FARS2: variants seen among roughly 807,000 people sequenced by gnomAD.
FARS2 encodes phenylalanyl-tRNA synthetase 2, mitochondrial.
In FARS2, 40 loss-of-function variants were observed where a neutral mutation model predicts 46.4. That is an observed-to-expected ratio of 0.86 (90% CI 0.67 to 1.12). The LOEUF (loss-of-function observed/expected upper bound fraction) is 1.12, where lower values mean the gene tolerates loss of function less well. FARS2 is among the 50% of genes most tolerant of loss of function. FARS2 has a pLI of 0.00. For synonymous variants in FARS2, 234 were observed against 214.9 expected (o/e 1.09, Z -0.78); for missense variants, 513 against 567.9 (o/e 0.90, Z 0.98).
chr6:5,370,883 G>A (rs1179762127), intron 2 of FARS2, among the ~76,000 whole-genome samples: 7 of 152,300 alleles, frequency 4.6e-5, no homozygotes, highest in Non-Finnish European at 2.9e-5. Flanking sequence ...TCATGTGTAT[G>A]TATGTATCTA....
At chr6:5,341,010 T>C (rs971182227) in intron 1 of FARS2, among the ~76,000 whole-genome samples, 6 of 150,804 alleles carry the variant, frequency 4.0e-5, no homozygotes, top group African/African-American at 1.5e-4. Flanking sequence ...TAGCCAGGCA[T>C]GGTGACGTGC....
chr6:5,417,278 G>C (rs1433961496), intron 3 of FARS2, among the ~76,000 whole-genome samples: 1 of 152,042 alleles, frequency 6.6e-6, no homozygotes, highest in Non-Finnish European at 1.5e-5. Context: ...GTGCAATGGC[G>C]TGATCATGGC....
intron 4 of FARS2, among the ~76,000 whole-genome samples, chr6:5,510,085 G>A (rs541827511): frequency 6.6e-6 from 1 of 152,268 alleles, no homozygotes; most frequent in Non-Finnish European, 1.5e-5. Flanking sequence ...GATTTTTATA[G>A]GACAACCAAA....
intron 6 of FARS2, among the ~76,000 whole-genome samples, chr6:5,637,390 C>T (rs541480029): frequency 3.3e-5 from 5 of 152,362 alleles, no homozygotes; most frequent in East Asian, 3.9e-4. Context: ...GGCATCACTA[C>T]GCCTTCACCA....
At chr6:5,333,407 C>T (rs1770935701) in intron 1 of FARS2, among the ~76,000 whole-genome samples, 1 of 152,192 alleles carries the variant, frequency 6.6e-6, no homozygotes, top group African/African-American at 2.4e-5. Flanking sequence ...TCTTTCAAAA[C>T]TCCTTTATTT....
intron 5 of FARS2, among the ~76,000 whole-genome samples, chr6:5,606,672 T>C (rs367593946): frequency 7.9e-5 from 12 of 152,222 alleles, no homozygotes; most frequent in African/African-American, 2.6e-4. Flanking sequence ...CCAAGGACTT[T>C]GTTACTCAGC....
intron 4 of FARS2, among the ~76,000 whole-genome samples, chr6:5,503,352 G>C (rs535504426): frequency 1.3e-5 from 2 of 149,218 alleles, no homozygotes; most frequent in South Asian, 2.1e-4. Context: ...AAATTGCTAA[G>C]AGTAGATTTT....
intron 4 of FARS2, among the ~76,000 whole-genome samples, chr6:5,439,662 G>T (rs1169070310): frequency 6.6e-6 from 1 of 152,212 alleles, no homozygotes; most frequent in African/African-American, 2.4e-5. Context: ...CCAGGTGAAA[G>T]GATAATTGCG....
chr6:5,559,935 C>T (rs931478922), intron 5 of FARS2, among the ~76,000 whole-genome samples: 4 of 151,814 alleles, frequency 2.6e-5, no homozygotes, highest in Non-Finnish European at 4.4e-5. Flanking sequence ...TGGGTGTCCA[C>T]ATGGAAAAAA....
At chr6:5,613,142 G>C in intron 5 of FARS2, 27 bp from the exon 6 acceptor site, 1 of 1,596,194 alleles carries the variant, frequency 6.3e-7, no homozygotes, top group Admixed American at 1.7e-5. Context: ...ACAAGTTCAT[G>C]TATCTTTTCT....
Position 5,487,182 on chromosome 6 carries a change from G to T in FARS2, c.904+56010G>T, listed in dbSNP as rs573193354. 2.6e-5 allele frequency among the ~76,000 whole-genome samples: 4 copies of T among 152,318 alleles called. No individual in the cohort carries two copies. The South Asian group carries it at 6.2e-4, about 24-fold the overall frequency. ...CTTTCAGTTTCCACATCCAGGTGTT[G>T]TGCTGTTTCCCTGGACCTCCGGGTT... is the stretch of plus-strand genomic sequence containing the variant. On this transcript the variant is annotated intron_variant, in intron 4 of 6. Transcript: ENST00000274680.
chr6:5,576,589 C>T (rs9502318), intron 5 of FARS2, among the ~76,000 whole-genome samples: 4 of 144,872 alleles, frequency 2.8e-5, no homozygotes, highest in Non-Finnish European at 6.0e-5. Context: ...GATATATACT[C>T]TATATATGAT....
At chr6:5,466,429 A>G in intron 4 of FARS2, 1 of 705,434 alleles carries the variant, frequency 1.4e-6, no homozygotes, top group Non-Finnish European at 1.7e-6. Flanking sequence ...CCTTAAAGGC[A>G]AGAGCCATGT....
chr6:5,279,287 G>T (rs1338538123), intron 1 of FARS2, among the ~76,000 whole-genome samples: 1 of 149,740 alleles, frequency 6.7e-6, no homozygotes, highest in Non-Finnish European at 1.5e-5. Context: ...TGAGGCAGGA[G>T]AATCACTTGA....
chr6:5,536,099 T>G (rs1770178608), intron 4 of FARS2, among the ~76,000 whole-genome samples: 1 of 149,846 alleles, frequency 6.7e-6, no homozygotes, highest in Non-Finnish European at 1.5e-5. Context: ...TCGCCCAGGC[T>G]GGAGCACAGT....
At chr6:5,546,132 A>T (rs1043678212) in intron 5 of FARS2, among the ~76,000 whole-genome samples, 2 of 152,192 alleles carry the variant, frequency 1.3e-5, no homozygotes, top group Non-Finnish European at 2.9e-5. Context: ...CTGTCTCAAA[A>T]AAAAAGAAGT....
chr6:5,371,968 G>A (rs1255159677), intron 2 of FARS2, among the ~76,000 whole-genome samples: 5 of 151,912 alleles, frequency 3.3e-5, no homozygotes, highest in Admixed American at 3.3e-4. Context: ...ATAAGGGGCA[G>A]GAAAAAGAGA....
chr6:5,605,486 C>T (rs188981474), intron 5 of FARS2, among the ~76,000 whole-genome samples: 73 of 152,326 alleles, frequency 4.8e-4, no homozygotes, highest in African/African-American at 1.7e-3. Flanking sequence ...CATCATCAGC[C>T]GTATCACCAT....
intron 3 of FARS2, among the ~76,000 whole-genome samples, chr6:5,407,069 T>TA (rs1761657736): frequency 2.2e-5 from 1 of 44,964 alleles, no homozygotes; most frequent in African/African-American, 9.7e-5. Flanking sequence ...ATATATATAA[T>TA]GACCAATAAA....
Sources: allele counts gnomAD v4.1 joint callset (sites outside exome capture counted in the v4.1 genomes callset), GRCh38; gene constraint gnomAD v4.1.1; transcripts MANE v1.5; gene names NCBI Gene and HGNC (gene_info 2026-07-23, HGNC 2026-07-21).